ZNF773: variants seen among roughly 807,000 people sequenced by gnomAD.
ZNF773 encodes the protein zinc finger protein 419B.
In ZNF773, 11 loss-of-function variants were observed where a neutral mutation model predicts 12.8. The ratio of observed to expected loss-of-function variants is 0.86; its 90% confidence interval spans 0.54 to 1.42. The LOEUF is 1.42. Ranked by LOEUF, ZNF773 falls within the 40% of genes most tolerant of loss-of-function variation. The pLI, the probability that ZNF773 is intolerant of heterozygous loss-of-function variation, is 0.00. For missense variants in ZNF773, 518 were observed against 527.2 expected (o/e 0.98, Z 0.17); for synonymous variants, 175 against 178.4 (o/e 0.98, Z 0.15).
downstream of ZNF773, among the ~76,000 whole-genome samples, chr19:57,512,131 A>T (rs72490762): frequency 6.6e-6 from 1 of 152,234 alleles, no homozygotes; most frequent in Non-Finnish European, 1.5e-5. Context: ...CAGGTTTGAA[A>T]TGTACAGGTC....
chr19:57,510,579 T>A (rs1356116296), downstream of ZNF773, among the ~76,000 whole-genome samples: 1 of 152,150 alleles, frequency 6.6e-6, no homozygotes, highest in African/African-American at 2.4e-5. Context: ...TATAACATGA[T>A]AATATTGAAA....
At chr19:57,515,441 C>T (rs900991948), downstream of ZNF773, 1 of 152,244 alleles carries the variant, frequency 6.6e-6, no homozygotes, top group African/African-American at 2.4e-5. Context: ...TGGCGTTGCA[C>T]CCATGGAAGG....
chr19:57,512,703 G>A (rs530346901), downstream of ZNF773, among the ~76,000 whole-genome samples: 1 of 152,312 alleles, frequency 6.6e-6, no homozygotes, highest in East Asian at 1.9e-4. Flanking sequence ...TCTCATGAAT[G>A]CAGTATGTTG....
chr19:57,516,529 C>T (rs1358087505), downstream of ZNF773: 12 of 152,146 alleles, frequency 7.9e-5, no homozygotes, highest in Admixed American at 7.9e-4. Context: ...TTATACTGCA[C>T]CATTGGAGGG....
Position 57,504,745 on chromosome 19 carries a change from G to T in ZNF773, c.122G>T (p.Arg41Leu), listed in dbSNP as rs774985702. Residue 41 changes from arginine (R) to leucine (L), a missense_variant, in exon 2 of 4, where the codon CGC becomes CTC. Transcript: ENST00000282292. ...LLDDAQRLLY[R>L]NVMLENFTLL... Reference sequence around the variant, plus strand: ...GATGACGCTCAGAGGCTCCTCTACCGCAATGTGATGCTGGAGAACTTTACA... The same window carrying T: ...GATGACGCTCAGAGGCTCCTCTACCTCAATGTGATGCTGGAGAACTTTACA... The T allele has an allele frequency of 6.2e-6, 10 of 1,613,594 alleles. No homozygotes were observed. The African/African-American group carries it at 9.4e-5, about 15-fold the overall frequency.
Position 57,504,663 on chromosome 19 carries a change from T to A in ZNF773, c.40T>A (p.Tyr14Asn). The A allele has an allele frequency of 1.2e-6, 2 of 1,614,084 alleles. No individual in the cohort carries two copies. The highest frequency in any genetic ancestry group is 1.7e-6 in the Non-Finnish European group (2 of 1,180,000). The part of the protein sequence containing the change: ...ATLRDPAQQG[Y>N]VTFEDVAVYF... Reference sequence around the variant, plus strand: ...TCAACTCTGTCCATCTTAGCAGGGCTATGTGACCTTTGAGGACGTGGCTGT... The same window carrying A: ...TCAACTCTGTCCATCTTAGCAGGGCAATGTGACCTTTGAGGACGTGGCTGT... Residue 14 changes from tyrosine (Y) to asparagine (N), a missense_variant, in exon 2 of 4, where the codon TAT (tyrosine) becomes AAT (asparagine). Tyr to Asn is a moderately radical substitution (Grantham distance 143). Coordinates refer to ENST00000282292, the MANE Select transcript of ZNF773 (RefSeq NM_198542.3).
downstream of ZNF773, chr19:57,508,670 C>A: frequency 1.6e-6 from 1 of 629,832 alleles, no homozygotes; most frequent in South Asian, 1.8e-5. Flanking sequence ...TCCATTTCTT[C>A]ATATTACTGA....
intron 1 of ZNF773, among the ~76,000 whole-genome samples, chr19:57,501,455 G>T (rs1481049076): frequency 3.3e-5 from 5 of 152,142 alleles, no homozygotes; most frequent in African/African-American, 1.2e-4. Context: ...TATGTGTACA[G>T]TAAGAGTTGA....
chr19:57,509,992 A>G (rs1053446563), downstream of ZNF773, among the ~76,000 whole-genome samples: 14 of 152,248 alleles, frequency 9.2e-5, no homozygotes, highest in African/African-American at 3.4e-4. Context: ...ACATAAAACT[A>G]TAGACCAATA....
rs767282873 is a variant in ZNF773, at chr19:57,507,273, G to A, written c.1178G>A (p.Gly393Glu). The change falls in exon 4 of 4, where the codon GGG becomes GAG. Residue 393 changes from glycine (G) to glutamate (E), a missense_variant. Physicochemically the swap from Gly to Glu is moderately conservative, Grantham distance 98. Transcript: ENST00000282292. The stretch of plus-strand genomic sequence containing the variant: ...AAACCTTTTAAGTGCAATGAATGTG[G>A]GAGATTCTTTAGTGAGAATTCCAGC... ...GEKPFKCNEC[G>E]RFFSENSSLV... 4.3e-5 allele frequency: 69 copies of A among 1,611,196 alleles called. 1 individual carries two copies. The Admixed American group carries it at 1.1e-3, about 27-fold the overall frequency.
At position 57,499,981 on chromosome 19, in the gene ZNF773, C is replaced by A; in HGVS notation, c.-100C>A. ...CTCCGGAAAGCGCGGTGGGGACGCGCTGTGTTCTCGCAGCTCAGAGGCGGG... is the reference window on the plus strand; with the variant it reads ...CTCCGGAAAGCGCGGTGGGGACGCGATGTGTTCTCGCAGCTCAGAGGCGGG... On this transcript the variant is annotated 5_prime_UTR_variant, in exon 1 of 4. It adds an upstream start codon to the 5' untranslated region. Transcript: ENST00000282292. 1 of 1,448,236 alleles carries A rather than the reference C, an allele frequency of 6.9e-7. No individual in the cohort carries two copies. The allele number at this position is 1,448,236 out of a possible 1,614,324, so 89.7% of individuals were successfully genotyped here.
downstream of ZNF773, chr19:57,515,558 T>C (rs774879098): frequency 6.6e-6 from 1 of 152,212 alleles, no homozygotes; most frequent in African/African-American, 2.4e-5. Context: ...AGACACTTAC[T>C]CCCATATGCT....
intron 1 of ZNF773, among the ~76,000 whole-genome samples, chr19:57,504,150 C>G (rs1373470387): frequency 6.6e-6 from 1 of 152,134 alleles, no homozygotes; most frequent in African/African-American, 2.4e-5. Context: ...GTAGTCAGTG[C>G]CATTGGAGGT....
chr19:57,507,745 CG>C lies in ZNF773; in HGVS notation c.*324del. The C allele has an allele frequency of 3.6e-6, 4 of 1,097,408 alleles. No homozygotes were observed. In the South Asian group the frequency reaches 1.1e-4, roughly 29 times the overall value. The allele number at this position is 1,097,408 out of a possible 1,614,324, so 68.0% of individuals were successfully genotyped here. ...TTCTCACCACTTTGGGAGGCTGAAG[CG>C]GGCGGATCACAAGGTCAGGACATCG... On this transcript the variant is annotated 3_prime_UTR_variant, in exon 4 of 4. Coordinates refer to ENST00000282292, the MANE Select transcript of ZNF773 (RefSeq NM_198542.3).
At position 57,506,643 on chromosome 19, in the gene ZNF773, C is replaced by G; in HGVS notation, c.548C>G (p.Ala183Gly). The change falls in exon 4 of 4, where the codon GCC becomes GGC. Residue 183 changes from alanine to glycine, a missense_variant. Coordinates refer to ENST00000282292, the MANE Select transcript of ZNF773 (RefSeq NM_198542.3). Reference sequence around the variant, plus strand: ...CATAGGAGCTCCAAAAGTAGGGAGGCCTTTCATGCTGGAAAAAGGCATTAC... The same window carrying G: ...CATAGGAGCTCCAAAAGTAGGGAGGGCTTTCATGCTGGAAAAAGGCATTAC... ...KSHRSSKSRE[A>G]FHAGKRHYKC... 1 of 1,614,180 alleles carries G rather than the reference C, an allele frequency of 6.2e-7. No homozygotes were observed. The highest frequency in any genetic ancestry group is 1.1e-5 in the South Asian group (1 of 91,078).
rs766505988 is a variant in ZNF773 at position 57,505,401 on chromosome 19, G to C, written c.262+1G>C. The C allele has an allele frequency of 6.2e-7, 1 of 1,613,984 alleles. No homozygotes were observed. The highest frequency in any genetic ancestry group is 1.3e-5 in the African/African-American group (1 of 74,884). ...GTTGTGACTTCAGCCATACTGAGAG[G>C]TACTTGGTGGGTGGAGCTCAGGGAG... On this transcript the variant is annotated splice_donor_variant, in intron 3 of 3. Coordinates refer to ENST00000282292, the MANE Select transcript of ZNF773 (RefSeq NM_198542.3). LOFTEE classifies it high-confidence loss of function.
intron 3 of ZNF773, among the ~76,000 whole-genome samples, chr19:57,505,907 C>T (rs2089726275): frequency 6.6e-6 from 1 of 152,074 alleles, no homozygotes; most frequent in Non-Finnish European, 1.5e-5. Flanking sequence ...GACTGGGTTT[C>T]ACCATGTTAG....
chr19:57,500,064 C>G lies in ZNF773; in HGVS notation c.-17C>G. ...CGGGCCCTTTCCTCGGTCGTTGTCTCACCGCCACAGGCTCCGATGGCGGCG... is the reference window on the plus strand; with the variant it reads ...CGGGCCCTTTCCTCGGTCGTTGTCTGACCGCCACAGGCTCCGATGGCGGCG... On this transcript the variant is annotated 5_prime_UTR_variant, in exon 1 of 4. Coordinates refer to ENST00000282292, the MANE Select transcript of ZNF773 (RefSeq NM_198542.3). 1.3e-6 allele frequency: 2 copies of G among 1,592,306 alleles called. No individual in the cohort carries two copies. Among genetic ancestry groups the G allele is most frequent in the East Asian group, 4.6e-5 (2 of 43,306 alleles).
chr19:57,506,172 C>A (rs1266096035), intron 3 of ZNF773, among the ~76,000 whole-genome samples, 186 bp from the exon 4 acceptor site: 3 of 152,118 alleles, frequency 2.0e-5, no homozygotes, highest in Non-Finnish European at 4.4e-5. Context: ...GCTCATGAGG[C>A]CTCCCCAAAT....
Sources: gnomAD v4.1 joint callset for allele counts (sites outside exome capture counted in the v4.1 genomes callset) on GRCh38, gnomAD v4.1.1 for gene constraint, MANE v1.5 for transcripts, NCBI Gene and HGNC (gene_info 2026-07-23, HGNC 2026-07-21) for gene names.